HLCS: variants seen among roughly 807,000 people sequenced by gnomAD.
HLCS encodes the protein biotin--protein ligase.
HLCS carries 53 observed loss-of-function variants against 75.0 expected under a neutral mutation model. The observed-to-expected ratio is 0.71, with a 90% confidence interval of 0.57 to 0.89. The LOEUF (loss-of-function observed/expected upper bound fraction) is 0.89. Ranked by LOEUF, HLCS falls within the 40% of genes least tolerant of loss-of-function variation. The pLI is 0.00. For synonymous variants in HLCS, 431 were observed against 428.6 expected, an observed-to-expected ratio of 1.01 and a Z score of -0.07; for missense variants, 966 against 1,074.0, an observed-to-expected ratio of 0.90 and a Z score of 1.41.
chr21:36,840,159 A>G (rs898628548), intron 6 of HLCS, among the ~76,000 whole-genome samples: 4 of 152,230 alleles, frequency 2.6e-5, no homozygotes, highest in Non-Finnish European at 4.4e-5. Context: ...TAGAAGCTTT[A>G]TTGCTAATTT....
chr21:36,877,742 C>A (rs2064040229), intron 6 of HLCS, among the ~76,000 whole-genome samples: 1 of 152,140 alleles, frequency 6.6e-6, no homozygotes, highest in African/African-American at 2.4e-5. Flanking sequence ...TTTGAAACTT[C>A]CTTTGGCATT....
intron 5 of HLCS, among the ~76,000 whole-genome samples, chr21:36,918,734 C>T (rs908479650): frequency 1.3e-5 from 2 of 152,200 alleles, no homozygotes; most frequent in Non-Finnish European, 1.5e-5. Context: ...TTCCAATTGG[C>T]GACTTGCTGC....
intron 1 of HLCS, among the ~76,000 whole-genome samples, chr21:36,989,085 G>A (rs1199841096): frequency 6.6e-6 from 1 of 150,616 alleles, no homozygotes; most frequent in Non-Finnish European, 1.5e-5. Flanking sequence ...CACCCAGGCT[G>A]GAGTGCAGAG....
intron 5 of HLCS, among the ~76,000 whole-genome samples, chr21:36,920,368 A>G (rs2066111147): frequency 6.6e-6 from 1 of 151,592 alleles, no homozygotes; most frequent in South Asian, 2.1e-4. Flanking sequence ...CACCCACCCT[A>G]GTGGGAAGGT....
At position 36,864,395 on chromosome 21, in the gene HLCS, CA is replaced by C. The variant is rs754420645; in HGVS notation, c.1892+32464del. ...AGCCTGGGCAACAAAGACTACGTCTCAAAAAAAAAAAAAAGTACATGAACAA... is the reference window on the plus strand; with the variant it reads ...AGCCTGGGCAACAAAGACTACGTCTCAAAAAAAAAAAAAGTACATGAACAA... On this transcript the variant is annotated intron_variant, in intron 6 of 10. Transcript: ENST00000674895. 5.8e-3 allele frequency among the ~76,000 whole-genome samples: 734 copies of C among 127,106 alleles called. 2 individuals are homozygous for C. Among genetic ancestry groups the C allele is most frequent in the African/African-American group, 0.015 (515 of 35,182 alleles). The allele number at this position is 127,106 out of a possible 152,430, so 83.4% of individuals were successfully genotyped here.
At chr21:36,963,678 G>A (rs1351887049) in intron 1 of HLCS, among the ~76,000 whole-genome samples, 1 of 152,086 alleles carries the variant, frequency 6.6e-6, no homozygotes, top group Non-Finnish European at 1.5e-5. Context: ...TTTGAACCCG[G>A]GAGGCAGAAG....
chr21:36,965,894 G>C (rs1368615371), intron 1 of HLCS, among the ~76,000 whole-genome samples: 3 of 151,330 alleles, frequency 2.0e-5, no homozygotes, highest in Non-Finnish European at 4.4e-5. Context: ...GGGACTACAG[G>C]CGCGTGCCAC....
intron 6 of HLCS, among the ~76,000 whole-genome samples, chr21:36,807,884 A>G (rs1197513779): frequency 6.6e-6 from 1 of 152,182 alleles, no homozygotes; most frequent in Non-Finnish European, 1.5e-5. Flanking sequence ...TTATGGGCAC[A>G]TTGCACAACT....
intron 2 of HLCS, among the ~76,000 whole-genome samples, chr21:36,954,743 T>TA (rs57697576): frequency 1.3e-5 from 2 of 150,852 alleles, no homozygotes; most frequent in African/African-American, 4.9e-5. Context: ...TTCTACTTAT[T>TA]AAAAAAACAA....
intron 5 of HLCS, among the ~76,000 whole-genome samples, chr21:36,908,936 T>A (rs898959161): frequency 2.0e-5 from 3 of 152,214 alleles, no homozygotes; most frequent in Non-Finnish European, 4.4e-5. Flanking sequence ...GGCTCACGCC[T>A]GTAATCCTAG....
At chr21:36,885,024 G>T (rs1029368870) in intron 6 of HLCS, among the ~76,000 whole-genome samples, 2 of 152,104 alleles carry the variant, frequency 1.3e-5, no homozygotes, top group African/African-American at 4.8e-5. Flanking sequence ...AAAAGAGAAG[G>T]TTCAATGAAA....
chr21:36,984,285 C>T (rs2069185919), intron 1 of HLCS, among the ~76,000 whole-genome samples: 1 of 152,160 alleles, frequency 6.6e-6, no homozygotes, highest in African/African-American at 2.4e-5. Flanking sequence ...TTGTTTTTTC[C>T]TATTACTTAC....
chr21:36,888,042 T>C (rs1033666578), intron 6 of HLCS, among the ~76,000 whole-genome samples: 3 of 152,148 alleles, frequency 2.0e-5, no homozygotes, highest in Non-Finnish European at 2.9e-5. Flanking sequence ...AATCAATTTT[T>C]CAAACTTTAT....
At chr21:36,841,414 T>C (rs1191858765) in intron 6 of HLCS, among the ~76,000 whole-genome samples, 1 of 152,234 alleles carries the variant, frequency 6.6e-6, no homozygotes, top group Non-Finnish European at 1.5e-5. Context: ...ATTACTGCTC[T>C]AAGAGTAAAA....
chr21:36,806,937 T>TG (rs2061378406), intron 6 of HLCS, among the ~76,000 whole-genome samples: 1 of 152,182 alleles, frequency 6.6e-6, no homozygotes, highest in Admixed American at 6.5e-5. Flanking sequence ...CCGCCTCCAC[T>TG]TTGTCCCTTC....
chr21:36,856,216 T>G (rs2063188112), intron 6 of HLCS, among the ~76,000 whole-genome samples: 1 of 152,214 alleles, frequency 6.6e-6, no homozygotes, highest in African/African-American at 2.4e-5. Context: ...TTTAAGTGGT[T>G]GAATTGTATG....
intron 6 of HLCS, among the ~76,000 whole-genome samples, chr21:36,810,022 C>A (rs1391413264): frequency 6.6e-6 from 1 of 152,246 alleles, no homozygotes; most frequent in Non-Finnish European, 1.5e-5. Flanking sequence ...GGATTACAGG[C>A]GTGAGCCGTG....
At chr21:36,903,866 C>G (rs1232810522) in intron 5 of HLCS, among the ~76,000 whole-genome samples, 1 of 152,068 alleles carries the variant, frequency 6.6e-6, no homozygotes, top group East Asian at 1.9e-4. Context: ...GAGGTGGGGC[C>G]TTTGGGAAGA....
Position 36,930,456 on chromosome 21 carries a change from T to C in HLCS, c.1438-23A>G, listed in dbSNP as rs144522679. 1.6e-4 allele frequency: 249 copies of C among 1,600,836 alleles called. No homozygotes were observed. In the African/African-American group the frequency reaches 2.7e-3, roughly 17 times the overall value. On this transcript the variant is annotated intron_variant, in intron 4 of 10. Transcript: ENST00000674895. ...CACCTGAAGGGGAAAGATAGCACTA[T>C]GTAAACTGAGGGCACTCACAGGCAA...
Sources: gnomAD v4.1 joint callset for allele counts (sites outside exome capture counted in the v4.1 genomes callset) on GRCh38, gnomAD v4.1.1 for gene constraint, MANE v1.5 for transcripts, NCBI Gene and HGNC (gene_info 2026-07-23, HGNC 2026-07-21) for gene names.